CAPN12: variants seen among roughly 807,000 people sequenced by gnomAD.
The protein encoded by CAPN12 is calpain-12.
Under a neutral mutation model 95.0 loss-of-function variants are expected in CAPN12, and 107 were observed. The ratio of observed to expected loss-of-function variants is 1.13; its 90% confidence interval spans 0.96 to 1.32. CAPN12 has a LOEUF of 1.32. Ranked by LOEUF, CAPN12 falls within the 40% of genes most tolerant of loss-of-function variation. The probability of loss-of-function intolerance (pLI) is 0.00; values close to 1 mark genes in which losing one functional copy is unlikely to be tolerated. For synonymous variants in CAPN12, 505 were observed against 415.5 expected, an observed-to-expected ratio of 1.22 and a Z score of -2.62; for missense variants, 1,136 against 997.8, an observed-to-expected ratio of 1.14 and a Z score of -1.87.
In CAPN12 at chr19:38,741,802, G is replaced by T. The variant is rs780543432; in HGVS notation, c.535C>A (p.Pro179Thr). Residue 179 changes from proline (P) to threonine (T), a missense_variant, in exon 4 of 21, where the codon CCA (proline) becomes ACA (threonine). By Grantham distance (38) the Pro-to-Thr change is conservative. Transcript: ENST00000328867. ...RSEQRNEFWA[P>T]LLEKAYAKLH... ...TTGGCGTAGGCCTTCTCCAGGAGTG[G>T]GGCCCAGAACTCATTCCGCTGTTCC... 4 of 1,614,046 alleles carry T rather than the reference G, an allele frequency of 2.5e-6. No homozygotes were observed. In the South Asian group the frequency reaches 4.4e-5, roughly 18 times the overall value.
At position 38,738,617 on chromosome 19, in the gene CAPN12, C is replaced by G; in HGVS notation, c.761G>C (p.Gly254Ala). 6.2e-7 allele frequency: 1 copy of G among 1,614,044 alleles called. No homozygotes were observed. Among genetic ancestry groups the G allele is most frequent in the South Asian group, 1.1e-5 (1 of 91,084 alleles). The change falls in exon 6 of 21, where the codon GGC becomes GCC. Residue 254 changes from glycine (G) to alanine (A), a missense_variant. Gly to Ala is a moderately conservative substitution (Grantham distance 60, BLOSUM62 0). Transcript: ENST00000328867. ...GGAATACGCGTGTCCCTTTACCAGG[C>G]CCTCTTCTGTGCGGTACTCACCCCG... ...SDRGEYRTEE[G>A]LVKGHAYSIT...
In CAPN12 at chr19:38,733,740, C is replaced by A. The variant is rs760990382; in HGVS notation, c.1920G>T (p.Met640Ile). The A allele has an allele frequency of 6.2e-7, 1 of 1,613,664 alleles. No individual in the cohort carries two copies. The highest frequency in any genetic ancestry group is 1.1e-5 in the South Asian group (1 of 91,084). ...GTGCCAGCCTCAGCTCGTAGGAGTT[C>A]ATGGTTCCAGAGGTGTCCTCATCGA... ...NKFDEDTSGT[M>I]NSYELRLALN... Residue 640 changes from methionine to isoleucine, a missense_variant, in exon 18 of 21, where the codon ATG becomes ATT. Coordinates refer to ENST00000328867, the MANE Select transcript of CAPN12 (RefSeq NM_144691.4).
intron 4 of CAPN12, among the ~76,000 whole-genome samples, chr19:38,741,278 G>T (rs1464278448): frequency 6.6e-6 from 1 of 152,066 alleles, no homozygotes; most frequent in Non-Finnish European, 1.5e-5. Context: ...AGGGGTTTAA[G>T]ATTTGAAGGT....
chr19:38,734,639 G>A (rs11672859), intron 15 of CAPN12, 174 bp downstream of exon 15: 15 of 675,936 alleles, frequency 2.2e-5, no homozygotes, highest in South Asian at 1.8e-4. Flanking sequence ...CCGTGGCCCA[G>A]GTCACGGGGC....
Position 38,742,502 on chromosome 19 carries a change from C to T in CAPN12, c.334G>A (p.Ala112Thr), listed in dbSNP as rs139948605. ...LGNCWFLAAAASLTLYPRLLR... is the reference protein window; with the variant it reads ...LGNCWFLAAATSLTLYPRLLR... Reference sequence around the variant, plus strand: ...AGCCGGGGATACAGAGTAAGGGAGGCGGCAGCTGCAAGGAACCAGCAGTTA... The same window carrying T: ...AGCCGGGGATACAGAGTAAGGGAGGTGGCAGCTGCAAGGAACCAGCAGTTA... The change falls in exon 3 of 21, where the codon GCC (alanine) becomes ACC (threonine). Residue 112 changes from alanine to threonine, a missense_variant. By Grantham distance (58) the Ala-to-Thr change is moderately conservative. Coordinates refer to ENST00000328867, the MANE Select transcript of CAPN12 (RefSeq NM_144691.4). 1.2e-3 allele frequency: 1,883 copies of T among 1,612,756 alleles called. 2 individuals are homozygous for T. Among genetic ancestry groups the T allele is most frequent in the Admixed American group, 1.5e-3 (91 of 59,732 alleles).
At chr19:38,735,263 G>A (rs781518162) in intron 14 of CAPN12, 107 bp downstream of exon 14, 64 of 1,160,842 alleles carry the variant, frequency 5.5e-5, no homozygotes, top group Middle Eastern at 2.8e-4. Flanking sequence ...CCCGGAGGGA[G>A]GAAAAAGCAA....
In CAPN12 at chr19:38,744,046, C is replaced by T; in HGVS notation, c.120G>A (p.Leu40=). ...QSYEAIRAAC[L]DSGILFRDPY... is the part of the protein sequence containing the mutation. Reference sequence around the variant, plus strand: ...GGTCGCGGAACAGGATCCCCGAATCCAGGCAGGCTGCCCGAATTGCCTCAT... The same window carrying T: ...GGTCGCGGAACAGGATCCCCGAATCTAGGCAGGCTGCCCGAATTGCCTCAT... Residue 40 remains leucine, a synonymous_variant, in exon 1 of 21, where the codon CTG becomes CTA. Transcript: ENST00000328867. The T allele has an allele frequency of 6.2e-7, 1 of 1,614,246 alleles. No homozygotes were observed. Among genetic ancestry groups the T allele is most frequent in the Non-Finnish European group, 8.5e-7 (1 of 1,180,038 alleles).
chr19:38,733,737 G>T lies in CAPN12; in HGVS notation c.1923C>A (p.Asn641Lys). 1 of 1,613,682 alleles carries T rather than the reference G, an allele frequency of 6.2e-7. No individual in the cohort carries two copies. The highest frequency in any genetic ancestry group is 1.1e-5 in the South Asian group (1 of 91,086). Residue 641 changes from asparagine to lysine, a missense_variant, in exon 18 of 21, where the codon AAC becomes AAA. Coordinates refer to ENST00000328867, the MANE Select transcript of CAPN12 (RefSeq NM_144691.4). ...TCAGTGCCAGCCTCAGCTCGTAGGA[G>T]TTCATGGTTCCAGAGGTGTCCTCAT... is the stretch of plus-strand genomic sequence containing the variant. ...KFDEDTSGTM[N>K]SYELRLALNA...
intron 5 of CAPN12, 98 bp from the exon 6 acceptor site, chr19:38,738,746 A>G: frequency 1.9e-6 from 2 of 1,073,082 alleles, no homozygotes; most frequent in Non-Finnish European, 2.8e-6. Context: ...GGAGCCAACC[A>G]GAGCACTGAA....
At chr19:38,737,100 C>A in intron 10 of CAPN12, 56 bp downstream of exon 10, 2 of 1,330,358 alleles carry the variant, frequency 1.5e-6, no homozygotes, top group East Asian at 2.7e-5. Flanking sequence ...CTTGGCCCGG[C>A]CCCGCCCCTC....
At chr19:38,740,349 T>A (rs1970477163) in intron 4 of CAPN12, 130 bp from the exon 5 acceptor site, 2 of 1,021,760 alleles carry the variant, frequency 2.0e-6, no homozygotes, top group African/African-American at 3.3e-5. Context: ...GTTTTGAGAC[T>A]TTTTCCAGGG....
At chr19:38,735,607 G>T in intron 12 of CAPN12, 63 bp from the exon 13 acceptor site, 5 of 1,555,920 alleles carry the variant, frequency 3.2e-6, no homozygotes, top group Non-Finnish European at 4.4e-6. Flanking sequence ...TGTGTGGGAC[G>T]GGGTCTCAGG....
At chr19:38,742,151 C>T in intron 3 of CAPN12, 4 of 627,172 alleles carry the variant, frequency 6.4e-6, no homozygotes, top group South Asian at 4.0e-5. Flanking sequence ...TGGTGAAATA[C>T]CATCTCTACT....
chr19:38,736,255 G>C lies in CAPN12; in HGVS notation c.1438C>G (p.Arg480Gly), dbSNP rs1293506513. ...TCGCGGCGGGCGCTGAGGGGCGAGC[G>C]GTCGGCGCGCAGCAGCCGGGGCAGG... is the stretch of plus-strand genomic sequence containing the variant. Reference protein sequence around the residue: ...ALLPRLLRADRSPLSARRDVT... With the variant: ...ALLPRLLRADGSPLSARRDVT... The change falls in exon 12 of 21, where the codon CGC becomes GGC. Residue 480 changes from arginine to glycine, a missense_variant. Physicochemically the swap from Arg to Gly is moderately radical, Grantham distance 125 (BLOSUM62 -2). Transcript: ENST00000328867. The C allele has an allele frequency of 2.7e-6, 4 of 1,470,736 alleles. No individual in the cohort carries two copies. The highest frequency in any genetic ancestry group is 2.7e-6 in the Non-Finnish European group (3 of 1,119,400). 91.1% of individuals were successfully genotyped at this position (1,470,736 alleles called of 1,614,324 possible).
chr19:38,739,726 TTA>T, intron 5 of CAPN12: 1 of 189,786 alleles, frequency 5.3e-6, no homozygotes, highest in African/African-American at 2.3e-5. Context: ...TTTTTTTTTT[TTA>T]AATAAACCCT....
chr19:38,732,151 T>C (rs1314582880), intron 18 of CAPN12, among the ~76,000 whole-genome samples: 1 of 152,216 alleles, frequency 6.6e-6, no homozygotes, highest in Non-Finnish European at 1.5e-5. Context: ...ACTCCTGGCA[T>C]GTAACAGGCA....
In CAPN12 at chr19:38,737,218, T is replaced by C; in HGVS notation, c.1300A>G (p.Asn434Asp). 6.4e-7 allele frequency: 1 copy of C among 1,550,756 alleles called. No individual in the cohort carries two copies. Among genetic ancestry groups the C allele is most frequent in the Non-Finnish European group, 8.7e-7 (1 of 1,148,256 alleles). ...CCCTTGGCTCTCAGGCGCCGCCGGT[T>C]GCGCTGGATGAGGGACAGAAGGACC... ...CTVLLSLIQR[N>D]RRRLRAKGLT... The change falls in exon 10 of 21, where the codon AAC (asparagine) becomes GAC (aspartate). Residue 434 changes from asparagine to aspartate, a missense_variant. Transcript: ENST00000328867.
Position 38,734,167 on chromosome 19 carries a change from A to G in CAPN12, c.1853T>C (p.Leu618Pro). The change falls in exon 17 of 21, where the codon CTC (leucine) becomes CCC (proline). Residue 618 changes from leucine to proline, a missense_variant. Leu to Pro is a moderately conservative substitution (Grantham distance 98, BLOSUM62 -3). Coordinates refer to ENST00000328867, the MANE Select transcript of CAPN12 (RefSeq NM_144691.4). ...QSLALHHFQQ[L>P]WGYLLEWQAI... ...CTGCCACTCCAGGAGGTAGCCCCAGAGCTGCTGGAAGTGGTGTAAGGCCAG... is the reference window on the plus strand; with the variant it reads ...CTGCCACTCCAGGAGGTAGCCCCAGGGCTGCTGGAAGTGGTGTAAGGCCAG... The G allele has an allele frequency of 1.2e-6, 2 of 1,612,944 alleles. No homozygotes were observed. The highest frequency in any genetic ancestry group is 1.7e-5 in the Admixed American group (1 of 59,996).
rs762354362 is a variant in CAPN12, at chr19:38,736,099, C to A, written c.1583+11G>T. ...CAGGGATGGGGTCGGATTTGGGTGC[C>A]CGGGGCTCACACGGCCGTGTGGCGG... is the stretch of plus-strand genomic sequence containing the variant. On this transcript the variant is annotated intron_variant, in intron 12 of 20. Transcript: ENST00000328867. 8.8e-6 allele frequency: 13 copies of A among 1,481,098 alleles called. No homozygotes were observed. Among genetic ancestry groups the A allele is most frequent in the East Asian group, 5.7e-5 (2 of 34,988 alleles). The allele number at this position is 1,481,098 out of a possible 1,614,324, so 91.7% of individuals were successfully genotyped here. A position where few individuals can be genotyped will look rare whatever the true frequency, so the allele number is the denominator to read the frequency against.
Sources: allele counts gnomAD v4.1 joint callset (sites outside exome capture counted in the v4.1 genomes callset), GRCh38; gene constraint gnomAD v4.1.1; transcripts MANE v1.5; gene names NCBI Gene and HGNC (gene_info 2026-07-23, HGNC 2026-07-21).